Variants in MIGA1 observed in about 807,000 individuals in gnomAD.
MIGA1 encodes family with sequence similarity 73, member A.
Under a neutral mutation model 82.0 loss-of-function variants are expected in MIGA1, and 58 were observed. The ratio of observed to expected loss-of-function variants is 0.71; its 90% CI spans 0.57 to 0.88. The LOEUF is 0.88. MIGA1 is among the 40% of genes least tolerant of loss of function. The probability of loss-of-function intolerance (pLI) is 0.00; values close to 1 mark genes in which losing one functional copy is unlikely to be tolerated. For synonymous variants in MIGA1, 249 were observed against 253.6 expected (o/e 0.98, Z 0.17); for missense variants, 751 against 749.1 (o/e 1.00, Z -0.03).
chr1:77,845,351 GA>G (rs1684797358), intron 8 of MIGA1, among the ~76,000 whole-genome samples: 1 of 152,054 alleles, frequency 6.6e-6, no homozygotes, highest in African/African-American at 2.4e-5. Context: ...TTTGTAAGGA[GA>G]AAAATTGCTA....
Position 77,878,945 on chromosome 1 carries a change from G to C in MIGA1, c.*3881G>C, listed in dbSNP as rs909760963. 1 of 320,502 alleles carries C rather than the reference G, an allele frequency of 3.1e-6. No homozygotes were observed. Among genetic ancestry groups the C allele is most frequent in the Non-Finnish European group, 5.7e-6 (1 of 176,196 alleles). 19.9% of individuals were successfully genotyped at this position (320,502 alleles called of 1,614,324 possible). On this transcript the variant is annotated 3_prime_UTR_variant, in exon 16 of 16. Coordinates refer to ENST00000370791, the MANE Select transcript of MIGA1 (RefSeq NM_198549.4). ...TGCCTTTATAAAAATATTTACAAAT[G>C]TTTTCTTGCCTTAAAATGTAACATT...
intron 7 of MIGA1, among the ~76,000 whole-genome samples, chr1:77,821,493 T>C (rs1248440761): frequency 6.6e-6 from 1 of 151,894 alleles, no homozygotes; most frequent in Non-Finnish European, 1.5e-5. Flanking sequence ...CCTCCTGGGT[T>C]CAAGCGATTC....
At chr1:77,802,664 C>G (rs1047410415) in intron 3 of MIGA1, among the ~76,000 whole-genome samples, 1 of 151,836 alleles carries the variant, frequency 6.6e-6, no homozygotes. Flanking sequence ...GCTAGCTAGT[C>G]CCAGCTACTC....
chr1:77,849,215 G>T (rs889526074), intron 8 of MIGA1, among the ~76,000 whole-genome samples: 25 of 152,096 alleles, frequency 1.6e-4, no homozygotes, highest in African/African-American at 6.0e-4. Flanking sequence ...GCCTATGCAA[G>T]ATAACGAGAC....
intron 1 of MIGA1, chr1:77,783,014 T>C (rs955107910): frequency 5.7e-6 from 2 of 350,228 alleles, no homozygotes; most frequent in Admixed American, 6.4e-5. Context: ...CTTTTTTTTT[T>C]TTTTAACTTC....
At chr1:77,846,704 T>C (rs542380469) in intron 8 of MIGA1, among the ~76,000 whole-genome samples, 1 of 151,790 alleles carries the variant, frequency 6.6e-6, no homozygotes, top group Non-Finnish European at 1.5e-5. Context: ...TCCCAGCACT[T>C]TGGGAGGCCA....
chr1:77,811,438 A>T, intron 5 of MIGA1: 3 of 1,552,190 alleles, frequency 1.9e-6, no homozygotes, highest in Non-Finnish European at 2.7e-6. Context: ...TCTTAATGGG[A>T]CAGGCTGAAC....
chr1:77,864,324 T>C (rs1475558497), intron 13 of MIGA1, among the ~76,000 whole-genome samples: 5 of 149,938 alleles, frequency 3.3e-5, no homozygotes, highest in Non-Finnish European at 7.4e-5. Flanking sequence ...GATTGAGCCA[T>C]TGCATTCCAG....
At chr1:77,846,403 G>C (rs899094795) in intron 8 of MIGA1, among the ~76,000 whole-genome samples, 10 of 152,024 alleles carry the variant, frequency 6.6e-5, no homozygotes, top group African/African-American at 2.2e-4. Flanking sequence ...GTTTTTAGCT[G>C]TAGATTCCAT....
intron 5 of MIGA1, among the ~76,000 whole-genome samples, chr1:77,808,424 T>G (rs2101777847): frequency 6.6e-6 from 1 of 152,300 alleles, no homozygotes; most frequent in African/African-American, 2.4e-5. Context: ...CCTAACCTGT[T>G]GACTGTTATA....
intron 7 of MIGA1, among the ~76,000 whole-genome samples, chr1:77,825,515 A>G (rs1296547829): frequency 6.6e-6 from 1 of 152,064 alleles, no homozygotes. Context: ...CTGTGTTGCT[A>G]CTTGTAGCAC....
At chr1:77,835,779 C>G (rs1157704792) in intron 7 of MIGA1, among the ~76,000 whole-genome samples, 1 of 151,990 alleles carries the variant, frequency 6.6e-6, no homozygotes, top group African/African-American at 2.4e-5. Context: ...GAAACCCCAT[C>G]TCTACTGAAA....
intron 14 of MIGA1, among the ~76,000 whole-genome samples, chr1:77,870,199 C>T (rs1268942199): frequency 5.9e-5 from 6 of 101,556 alleles, no homozygotes; most frequent in South Asian, 9.3e-4. Flanking sequence ...CCGGACGGGG[C>T]GGCTGGCCGG....
chr1:77,818,587 A>C (rs1476745213), intron 7 of MIGA1, among the ~76,000 whole-genome samples: 1 of 152,132 alleles, frequency 6.6e-6, no homozygotes, highest in Non-Finnish European at 1.5e-5. Context: ...ATTAACACAC[A>C]GGGGGAAAGA....
intron 11 of MIGA1, chr1:77,860,911 C>A: frequency 4.0e-6 from 1 of 250,284 alleles, no homozygotes; most frequent in Non-Finnish European, 7.7e-6. Context: ...CCAAAAGAAG[C>A]AGAACTGCAA....
rs982474592 is a variant in MIGA1 at position 77,847,805 on chromosome 1, A to C, written c.996+4398A>C. On this transcript the variant is annotated intron_variant, in intron 8 of 15. Transcript: ENST00000370791. ...GCTACTCTGATGAAGTAAGTTCAAA[A>C]AACGGAATACCACAAGAGAAATGCA... 11 of 1,603,910 alleles carry C rather than the reference A, an allele frequency of 6.9e-6. No individual in the cohort carries two copies. The African/African-American group carries it at 1.5e-4, about 22-fold the overall frequency.
intron 5 of MIGA1, among the ~76,000 whole-genome samples, chr1:77,807,885 A>T (rs1418844883): frequency 3.3e-5 from 5 of 152,002 alleles, no homozygotes; most frequent in African/African-American, 1.2e-4. Context: ...GTGGTGCAAC[A>T]TCGGCTCACC....
At chr1:77,830,207 T>G (rs1032470083) in intron 7 of MIGA1, among the ~76,000 whole-genome samples, 4 of 152,208 alleles carry the variant, frequency 2.6e-5, no homozygotes, top group African/African-American at 7.2e-5. Context: ...TACATTTTCA[T>G]AATAGTAACC....
intron 8 of MIGA1, among the ~76,000 whole-genome samples, chr1:77,858,340 G>A (rs1333616802): frequency 6.8e-6 from 1 of 147,146 alleles, no homozygotes; most frequent in African/African-American, 2.6e-5. Flanking sequence ...GTGAGACCCT[G>A]TCTCAAAAAA....
Sources: allele counts gnomAD v4.1 joint callset (sites outside exome capture counted in the v4.1 genomes callset), GRCh38; gene constraint gnomAD v4.1.1; transcripts MANE v1.5; gene names NCBI Gene and HGNC (gene_info 2026-07-23, HGNC 2026-07-21).